TNS3: variants seen among roughly 807,000 people sequenced by gnomAD.
The protein encoded by TNS3 is tensin 3, also known as tensin-3.
Under a neutral mutation model 140.9 loss-of-function variants are expected in TNS3, and 45 were observed. The ratio of observed to expected loss-of-function variants is 0.32; its 90% CI spans 0.25 to 0.41. TNS3 has a LOEUF of 0.41. Among genes scored for constraint, TNS3 ranks in the 10% least tolerant of loss-of-function variants. The pLI, the probability that TNS3 is intolerant of heterozygous loss-of-function variation, is 1.00. For synonymous variants in TNS3, 815 were observed against 788.4 expected, an observed-to-expected ratio of 1.03 and a Z score of -0.56; for missense variants, 1,716 against 1,906.7, an observed-to-expected ratio of 0.90 and a Z score of 1.86.
rs563303151 is a variant in TNS3 at position 47,322,456 on chromosome 7, A to G, written c.2651-17453T>C. ...AGAATCGCTTGAACCCGGGAGGCGG[A>G]GGTTGCAGTGAGCCAAGATCGCGCC... On this transcript the variant is annotated intron_variant, in intron 20 of 30. Transcript: ENST00000311160. 1.6e-3 allele frequency among the ~76,000 whole-genome samples: 240 copies of G among 152,086 alleles called. 3 individuals carry two copies. The highest frequency in any genetic ancestry group is 5.4e-3 in the African/African-American group (226 of 41,500).
At chr7:47,578,313 A>G (rs1800722863) in intron 1 of TNS3, among the ~76,000 whole-genome samples, 1 of 152,104 alleles carries the variant, frequency 6.6e-6, no homozygotes, top group South Asian at 2.1e-4. Context: ...ATCTCAAAAA[A>G]ATAAAAATAA....
chr7:47,340,412 C>T (rs193255495), intron 20 of TNS3, among the ~76,000 whole-genome samples: 208 of 151,580 alleles, frequency 1.4e-3, no homozygotes, highest in South Asian at 1.9e-3. Flanking sequence ...TGAGCTACTC[C>T]GCCGGGCTGT....
chr7:47,345,048 G>A lies in TNS3; in HGVS notation c.2452-10C>T, dbSNP rs189838492. 3.6e-3 allele frequency: 5,719 copies of A among 1,608,050 alleles called. 21 individuals are homozygous for A. Among genetic ancestry groups the A allele is most frequent in the Middle Eastern group, 0.01 (61 of 6,042 alleles). The stretch of plus-strand genomic sequence containing the variant: ...AGCCAGGGGTCATCGTCTGAAATTG[G>A]CACAGGGAGTAGAATGTGAGAACAG... On this transcript the variant is annotated splice_polypyrimidine_tract_variant and intron_variant, in intron 18 of 30. Coordinates refer to ENST00000311160, the MANE Select transcript of TNS3 (RefSeq NM_022748.12).
intron 2 of TNS3, among the ~76,000 whole-genome samples, chr7:47,511,167 C>T (rs774975735): frequency 3.9e-5 from 6 of 152,188 alleles, no homozygotes; most frequent in Non-Finnish European, 7.3e-5. Context: ...TGAAACTGAA[C>T]TTTAAGCAAC....
chr7:47,304,947 TG>T lies in TNS3; in HGVS notation c.2706del (p.Ile903SerfsTer102). On this transcript the variant is annotated frameshift_variant, in exon 21 of 31. Coordinates refer to ENST00000311160, the MANE Select transcript of TNS3 (RefSeq NM_022748.12). LOFTEE classifies it high-confidence loss of function. ...LTHAVGMSESPIGPKSTMLRA... is the reference protein window; with the variant it reads ...LTHAVGMSESXIGPKSTMLRA... ...CGGAGCATCGTGGATTTGGGTCCGA[TG>T]GGGCTCTCTGACATCCCCACAGCGT... 1 of 1,423,466 alleles carries T rather than the reference TG, an allele frequency of 7.0e-7. No homozygotes were observed. Among genetic ancestry groups the T allele is most frequent in the Non-Finnish European group, 9.3e-7 (1 of 1,074,448 alleles). 88.2% of individuals were successfully genotyped at this position (1,423,466 alleles called of 1,614,324 possible).
Position 47,435,172 on chromosome 7 carries a change from A to T in TNS3, c.324+110T>A, listed in dbSNP as rs889539038. On this transcript the variant is annotated intron_variant, in intron 8 of 30. Coordinates refer to ENST00000311160, the MANE Select transcript of TNS3 (RefSeq NM_022748.12). ...CTAAAGACAAACCCATAAGGAGCAC[A>T]TCGCACCAGCTCAAAGCGGAAATGT... The T allele has an allele frequency of 5.1e-5, 74 of 1,445,998 alleles. No individual in the cohort carries two copies. In the Admixed American group the frequency reaches 7.7e-4, roughly 15 times the overall value. The allele number at this position is 1,445,998 out of a possible 1,614,324, so 89.6% of individuals were successfully genotyped here. A position where few individuals can be genotyped will look rare whatever the true frequency, so the allele number is the denominator to read the frequency against.
rs112504326 is a variant in TNS3, at chr7:47,469,603, T to A, written c.-76+11500A>T. Among the ~76,000 whole-genome samples the A allele has an allele frequency of 7.8e-3, 1,187 of 152,320 alleles. 19 individuals carry two copies. The highest frequency in any genetic ancestry group is 0.027 in the African/African-American group (1,128 of 41,554). On this transcript the variant is annotated intron_variant, in intron 4 of 30. Transcript: ENST00000311160. ...TACCAAAAAGACACATGCACTCATA[T>A]GTTCATCACCGTGCTATTCACAATA...
intron 9 of TNS3, among the ~76,000 whole-genome samples, chr7:47,426,806 G>A (rs1794676415): frequency 6.6e-6 from 1 of 152,116 alleles, no homozygotes. Flanking sequence ...TTCGGTTCAG[G>A]CAGTACTACT....
At chr7:47,511,109 T>C (rs1161098344) in intron 2 of TNS3, among the ~76,000 whole-genome samples, 4 of 152,222 alleles carry the variant, frequency 2.6e-5, no homozygotes, top group Admixed American at 1.3e-4. Context: ...TGGATTTTAA[T>C]AAAACAGCGT....
Position 47,561,086 on chromosome 7 carries a change from C to T in TNS3, c.-265+20965G>A, listed in dbSNP as rs149792850. Among the ~76,000 whole-genome samples the T allele has an allele frequency of 9.8e-3, 1,492 of 152,272 alleles. 23 individuals carry two copies. The highest frequency in any genetic ancestry group is 0.034 in the African/African-American group (1,422 of 41,536). On this transcript the variant is annotated intron_variant, in intron 1 of 30. Coordinates refer to ENST00000311160, the MANE Select transcript of TNS3 (RefSeq NM_022748.12). ...AGGGTAATAGGGATAGGACGTGGTG[C>T]GACGCTGGTTGGGCAAACTTCAGAG...
chr7:47,537,392 A>G (rs905497958), intron 1 of TNS3, among the ~76,000 whole-genome samples: 8 of 152,098 alleles, frequency 5.3e-5, no homozygotes, highest in African/African-American at 1.7e-4. Context: ...TCCATCTGAC[A>G]CGAATTAGCC....
intron 20 of TNS3, among the ~76,000 whole-genome samples, chr7:47,324,068 G>A (rs774327112): frequency 6.6e-6 from 1 of 152,204 alleles, no homozygotes; most frequent in Non-Finnish European, 1.5e-5. Flanking sequence ...GCAAACCTCA[G>A]CTCTATTTAT....
intron 1 of TNS3, among the ~76,000 whole-genome samples, chr7:47,550,178 C>T (rs903076336): frequency 3.3e-5 from 5 of 152,200 alleles, no homozygotes; most frequent in African/African-American, 4.8e-5. Flanking sequence ...CCTGCACCCT[C>T]ACCCTGCCCT....
At chr7:47,289,299 T>C (rs989952752) in intron 27 of TNS3, among the ~76,000 whole-genome samples, 8 of 152,168 alleles carry the variant, frequency 5.3e-5, no homozygotes, top group African/African-American at 1.9e-4. Flanking sequence ...GACTCAGAAA[T>C]TCCCTCCCCA....
intron 2 of TNS3, among the ~76,000 whole-genome samples, chr7:47,507,567 G>A (rs1168432649): frequency 5.3e-5 from 8 of 152,318 alleles, no homozygotes; most frequent in African/African-American, 1.4e-4. Context: ...GGGCCATTGT[G>A]TGAACGGAGC....
At chr7:47,299,856 T>C (rs1786286339) in intron 23 of TNS3, among the ~76,000 whole-genome samples, 1 of 152,220 alleles carries the variant, frequency 6.6e-6, no homozygotes, top group African/African-American at 2.4e-5. Context: ...GGCATCGCAT[T>C]CCTCACCTGG....
chr7:47,341,305 C>G (rs188194519), intron 20 of TNS3, among the ~76,000 whole-genome samples: 3 of 152,048 alleles, frequency 2.0e-5, no homozygotes, highest in African/African-American at 7.3e-5. Context: ...GAAGGTATTG[C>G]GTAGAATCAG....
At chr7:47,299,557 A>G (rs926314053) in intron 23 of TNS3, among the ~76,000 whole-genome samples, 2 of 152,158 alleles carry the variant, frequency 1.3e-5, no homozygotes, top group African/African-American at 4.8e-5. Context: ...TGGTAAATAA[A>G]GTGTAGAAGC....
intron 3 of TNS3, chr7:47,481,758 C>G: frequency 1.0e-6 from 1 of 972,172 alleles, no homozygotes; most frequent in Non-Finnish European, 1.2e-6. Flanking sequence ...GTAACGGAGG[C>G]AAGGTGGCTC....
Sources: gnomAD v4.1 joint callset for allele counts (sites outside exome capture counted in the v4.1 genomes callset) on GRCh38, gnomAD v4.1.1 for gene constraint, MANE v1.5 for transcripts, NCBI Gene and HGNC (gene_info 2026-07-23, HGNC 2026-07-21) for gene names.